Variants in STRN3 observed in about 807,000 individuals in gnomAD.
STRN3 encodes the protein striatin 3, also known as striatin-3.
STRN3 carries 29 observed loss-of-function variants against 95.6 expected under a neutral mutation model. That is an observed-to-expected ratio of 0.30 (90% CI 0.23 to 0.41). The LOEUF (loss-of-function observed/expected upper bound fraction) is 0.41, where lower values mean the gene tolerates loss of function less well. Among genes scored for constraint, STRN3 ranks in the 10% least tolerant of loss-of-function variants. STRN3 has a pLI of 1.00. For missense variants in STRN3, 890 were observed against 972.1 expected, an observed-to-expected ratio of 0.92 and a Z score of 1.12; for synonymous variants, 331 against 357.6, an observed-to-expected ratio of 0.93 and a Z score of 0.84.
chr14:30,929,967 A>AAAAAAAAAAAAAACAC (rs1555317336), intron 7 of STRN3, among the ~76,000 whole-genome samples: 1 of 91,122 alleles, frequency 1.1e-5, no homozygotes, highest in Non-Finnish European at 2.3e-5. Flanking sequence ...AAAAAAAAAA[A>AAAAAAAAAAAAAACAC]AAAAAAAAAA....
At chr14:30,907,133 C>A in intron 13 of STRN3, 89 bp from the exon 14 acceptor site, 1 of 1,426,072 alleles carries the variant, frequency 7.0e-7, no homozygotes, top group Non-Finnish European at 9.4e-7. Flanking sequence ...TATAACTGAG[C>A]ATAAAGAACA....
At chr14:30,996,423 A>G (rs1882200489) in intron 1 of STRN3, among the ~76,000 whole-genome samples, 2 of 152,222 alleles carry the variant, frequency 1.3e-5, no homozygotes, top group South Asian at 4.1e-4. Flanking sequence ...AGGGTCACAC[A>G]GTAAATATAA....
intron 5 of STRN3, 67 bp from the exon 6 acceptor site, chr14:30,936,691 C>T: frequency 1.3e-6 from 2 of 1,530,076 alleles, no homozygotes; most frequent in Admixed American, 4.5e-5. Context: ...CTTTCTGGTT[C>T]CCATTTTAAA....
intron 8 of STRN3, among the ~76,000 whole-genome samples, chr14:30,922,756 AATTT>A (rs1594441166): frequency 6.6e-6 from 1 of 152,176 alleles, no homozygotes; most frequent in Admixed American, 6.5e-5. Flanking sequence ...AGCTTTATTT[AATTT>A]ATTTAAGACA....
At chr14:30,940,996 G>T (rs1160605801) in intron 5 of STRN3, among the ~76,000 whole-genome samples, 1 of 152,074 alleles carries the variant, frequency 6.6e-6, no homozygotes, top group Non-Finnish European at 1.5e-5. Context: ...GAGTCCTCAT[G>T]AATAGGATTA....
intron 12 of STRN3, 122 bp from the exon 13 acceptor site, chr14:30,911,284 C>A: frequency 9.8e-7 from 1 of 1,022,124 alleles, no homozygotes; most frequent in Non-Finnish European, 1.4e-6. Context: ...AACATGTACA[C>A]CTGACTGGTA....
At chr14:31,006,792 T>C (rs1391730390) in intron 1 of STRN3, among the ~76,000 whole-genome samples, 1 of 151,796 alleles carries the variant, frequency 6.6e-6, no homozygotes, top group East Asian at 1.9e-4. Flanking sequence ...GACATGAAAG[T>C]TCAAAGACAG....
intron 5 of STRN3, among the ~76,000 whole-genome samples, chr14:30,946,183 G>C (rs1015653107): frequency 1.3e-5 from 2 of 152,122 alleles, no homozygotes; most frequent in African/African-American, 4.8e-5. Flanking sequence ...AAATAGCTCT[G>C]AACTACATGA....
intron 1 of STRN3, among the ~76,000 whole-genome samples, chr14:31,013,863 T>A (rs974042146): frequency 1.2e-5 from 1 of 81,044 alleles, no homozygotes; most frequent in Non-Finnish European, 3.2e-5. Context: ...TCAAAGCAAT[T>A]TTATTATTAT....
chr14:30,942,346 A>AT (rs1879134800), intron 5 of STRN3, among the ~76,000 whole-genome samples: 1 of 152,234 alleles, frequency 6.6e-6, no homozygotes, highest in Non-Finnish European at 1.5e-5. Context: ...CCATCTGTGG[A>AT]TAATTTTTCT....
At chr14:30,965,871 T>A (rs1880472212) in intron 1 of STRN3, among the ~76,000 whole-genome samples, 1 of 152,170 alleles carries the variant, frequency 6.6e-6, no homozygotes, top group South Asian at 2.1e-4. Flanking sequence ...GTTCTAAATT[T>A]CTTTTCAAAT....
chr14:30,908,900 G>A (rs946903118), intron 13 of STRN3, among the ~76,000 whole-genome samples: 2 of 152,024 alleles, frequency 1.3e-5, no homozygotes, highest in African/African-American at 2.4e-5. Flanking sequence ...AACTTCAATC[G>A]AGATCTCTTT....
chr14:31,001,836 G>A (rs1882465982), intron 1 of STRN3, among the ~76,000 whole-genome samples: 1 of 151,452 alleles, frequency 6.6e-6, no homozygotes, highest in South Asian at 2.1e-4. Flanking sequence ...GACCAGCCTG[G>A]CCAACCAATA....
At chr14:31,001,730 C>T (rs978829318) in intron 1 of STRN3, among the ~76,000 whole-genome samples, 1 of 152,166 alleles carries the variant, frequency 6.6e-6, no homozygotes, top group African/African-American at 2.4e-5. Context: ...CTGGAAGCAA[C>T]TCAAGTCTCC....
At position 30,895,370 on chromosome 14, in the gene STRN3, C is replaced by G. The variant is rs1201501792; in HGVS notation, c.*41G>C. 9 of 1,555,972 alleles carry G rather than the reference C, an allele frequency of 5.8e-6. No individual in the cohort carries two copies. The highest frequency in any genetic ancestry group is 7.8e-6 in the Non-Finnish European group (9 of 1,151,036). ...GATGGCAGTGATGCAGACCCTCTTT[C>G]TGTCCAAGCAAATCTTGTTACGATG... On this transcript the variant is annotated 3_prime_UTR_variant, in exon 18 of 18. Coordinates refer to ENST00000357479, the MANE Select transcript of STRN3 (RefSeq NM_001083893.2).
chr14:31,004,216 G>C (rs1882611150), intron 1 of STRN3, among the ~76,000 whole-genome samples: 1 of 151,888 alleles, frequency 6.6e-6, no homozygotes. Context: ...GAGCTCAGGA[G>C]GTTGAGGATG....
In STRN3 at chr14:30,895,092, G is replaced by GA. The variant is rs1566420989; in HGVS notation, c.*318dup. The GA allele has an allele frequency of 3.7e-3, 468 of 127,936 alleles. 4 individuals carry two copies. Among genetic ancestry groups the GA allele is most frequent in the South Asian group, 7.1e-3 (30 of 4,210 alleles). The allele number at this position is 127,936 out of a possible 1,614,324, so 7.9% of individuals were successfully genotyped here. On this transcript the variant is annotated 3_prime_UTR_variant, in exon 18 of 18. Coordinates refer to ENST00000357479, the MANE Select transcript of STRN3 (RefSeq NM_001083893.2). ...AAAAAAAAAAAAAGAAGAAGAAGAA[G>GA]AGAAAAAAAAAAACTTTTTTGAAAG...
At chr14:30,910,952 G>A (rs1896590436) in intron 13 of STRN3, 89 bp downstream of exon 13, 7 of 1,447,628 alleles carry the variant, frequency 4.8e-6, no homozygotes, top group Non-Finnish European at 6.5e-6. Flanking sequence ...ACTAATATAG[G>A]TTTAAATAAC....
At chr14:31,014,606 T>C (rs774312398) in intron 1 of STRN3, 1 of 428,114 alleles carries the variant, frequency 2.3e-6, no homozygotes, top group Non-Finnish European at 4.6e-6. Context: ...ACATTTATAA[T>C]TGCTTTAATT....
Sources: allele counts gnomAD v4.1 joint callset (sites outside exome capture counted in the v4.1 genomes callset), GRCh38; gene constraint gnomAD v4.1.1; transcripts MANE v1.5; gene names NCBI Gene and HGNC (gene_info 2026-07-23, HGNC 2026-07-21).